PTPRO: variants seen among roughly 807,000 people sequenced by gnomAD.
The protein encoded by PTPRO is protein tyrosine phosphatase receptor type O.
In PTPRO, 62 loss-of-function variants were observed where a neutral mutation model predicts 145.2. The observed-to-expected ratio is 0.43, with a 90% CI of 0.35 to 0.53. PTPRO has a LOEUF of 0.53. PTPRO is among the 20% of genes least tolerant of loss of function. PTPRO has a pLI of 0.01. For synonymous variants in PTPRO, 565 were observed against 514.7 expected (o/e 1.10, Z -1.32); for missense variants, 1,345 against 1,482.7 (o/e 0.91, Z 1.53).
chr12:15,322,905 C>G lies in PTPRO; in HGVS notation c.75+104C>G, dbSNP rs962638651. 1.8e-5 allele frequency: 21 copies of G among 1,182,440 alleles called. No individual in the cohort carries two copies. Among genetic ancestry groups the G allele is most frequent in the Admixed American group, 1.7e-4 (7 of 41,644 alleles). The allele number at this position is 1,182,440 out of a possible 1,614,324, so 73.2% of individuals were successfully genotyped here. On this transcript the variant is annotated intron_variant, in intron 1 of 26. Transcript: ENST00000281171. The surrounding 1 kb of genome is among the most constrained non-coding windows in gnomAD (Gnocchi z 6.3). ...AGCGGCGCGCCCCAGGGCACGATGG[C>G]CCAGCCGCGGGAAGCGCCTGCCGTG...
Position 15,551,647 on chromosome 12 carries a change from G to T in PTPRO, c.2534G>T (p.Arg845Met). The change falls in exon 15 of 27, where the codon AGG becomes ATG. Residue 845 changes from arginine to methionine, a missense_variant. This residue lies in a region of PTPRO where 1,130 missense variants were observed against 1,214.7 expected (regional missense o/e 0.93). Transcript: ENST00000281171. ...GLLLVTLIIL[R>M]KKHLQMAREC... ...TTGCTTGTTACCCTCATTATTCTTA[G>T]GAAAAAGCATCTGCAGATGGCTAGG... The T allele has an allele frequency of 6.2e-7, 1 of 1,613,500 alleles. No homozygotes were observed. The highest frequency in any genetic ancestry group is 8.5e-7 in the Non-Finnish European group (1 of 1,179,722).
At chr12:15,403,638 CCT>C (rs1431359775) in intron 1 of PTPRO, among the ~76,000 whole-genome samples, 14 of 152,124 alleles carry the variant, frequency 9.2e-5, no homozygotes, top group African/African-American at 2.4e-4. Flanking sequence ...TTAATTATCC[CCT>C]GTTTGGTGTG....
intron 1 of PTPRO, among the ~76,000 whole-genome samples, chr12:15,425,166 G>A (rs1591800116): frequency 6.6e-6 from 1 of 151,908 alleles, no homozygotes; most frequent in African/African-American, 2.4e-5. Flanking sequence ...ATACTCCCAC[G>A]GTACTTTGCT....
intron 1 of PTPRO, among the ~76,000 whole-genome samples, chr12:15,357,343 G>A (rs541334238): frequency 9.9e-5 from 15 of 152,128 alleles, no homozygotes; most frequent in African/African-American, 2.7e-4. Context: ...GCCCCACTAC[G>A]TCATGTGTTC....
chr12:15,493,644 C>T (rs1942044427), intron 2 of PTPRO, among the ~76,000 whole-genome samples: 2 of 151,996 alleles, frequency 1.3e-5, no homozygotes, highest in Admixed American at 6.6e-5. Context: ...CTGATATCAG[C>T]GAAAGTTGGA....
chr12:15,465,648 C>CT (rs1485909316), intron 1 of PTPRO, among the ~76,000 whole-genome samples: 1 of 152,088 alleles, frequency 6.6e-6, no homozygotes, highest in Non-Finnish European at 1.5e-5. Flanking sequence ...GAAAGTGGCA[C>CT]TTGAATAGTG....
chr12:15,432,058 C>T (rs1940455438), intron 1 of PTPRO, among the ~76,000 whole-genome samples: 1 of 152,080 alleles, frequency 6.6e-6, no homozygotes, highest in Admixed American at 6.6e-5. Context: ...TAAATACACT[C>T]ATGTCATGGG....
chr12:15,459,940 T>C (rs1267025821), intron 1 of PTPRO, among the ~76,000 whole-genome samples: 1 of 152,182 alleles, frequency 6.6e-6, no homozygotes, highest in Non-Finnish European at 1.5e-5. Context: ...GATGTGTCAA[T>C]GTGTAGCACA....
At chr12:15,438,629 C>A (rs1940667493) in intron 1 of PTPRO, among the ~76,000 whole-genome samples, 1 of 151,814 alleles carries the variant, frequency 6.6e-6, no homozygotes, top group South Asian at 2.1e-4. Context: ...GAAGAGTGGT[C>A]TTTTGAACTA....
At chr12:15,447,366 GA>G (rs1940928077) in intron 1 of PTPRO, among the ~76,000 whole-genome samples, 1 of 152,110 alleles carries the variant, frequency 6.6e-6, no homozygotes, top group South Asian at 2.1e-4. Context: ...CCCATTTGCA[GA>G]GAATAAAAAG....
At position 15,515,993 on chromosome 12, in the gene PTPRO, T is replaced by G. The variant is rs1346880441; in HGVS notation, c.1585+375T>G. 1.1e-3 allele frequency among the ~76,000 whole-genome samples: 122 copies of G among 108,826 alleles called. 4 individuals are homozygous for G. Among genetic ancestry groups the G allele is most frequent in the Non-Finnish European group, 1.8e-3 (103 of 57,352 alleles). The allele number at this position is 108,826 out of a possible 152,430, so 71.4% of individuals were successfully genotyped here. A position where few individuals can be genotyped will look rare whatever the true frequency, so the allele number is the denominator to read the frequency against. On this transcript the variant is annotated intron_variant, in intron 8 of 26. Coordinates refer to ENST00000281171, the MANE Select transcript of PTPRO (RefSeq NM_030667.3). ...TTTGTCTGGTTTTTTTTTTGTTTTG[T>G]TTTTTTTTTTTTTTGGAGACAGAGT...
chr12:15,407,348 C>A (rs1323766574), intron 1 of PTPRO, among the ~76,000 whole-genome samples: 2 of 152,112 alleles, frequency 1.3e-5, no homozygotes, highest in Non-Finnish European at 2.9e-5. Flanking sequence ...CAAAAAACTA[C>A]CAGGTTCCCC....
rs547332760 is a variant in PTPRO, at chr12:15,322,865, C to A, written c.75+64C>A. On this transcript the variant is annotated intron_variant, in intron 1 of 26. Transcript: ENST00000281171. The surrounding 1 kb of genome is among the most constrained non-coding windows in gnomAD (Gnocchi z 6.3). Reference sequence around the variant, plus strand: ...GGCGGCAGCCGCGCTCCGGCGCCCTCGCTCTGCCGTTGGGAGCGGCGCGCC... The same window carrying A: ...GGCGGCAGCCGCGCTCCGGCGCCCTAGCTCTGCCGTTGGGAGCGGCGCGCC... 2 of 1,539,162 alleles carry A rather than the reference C, an allele frequency of 1.3e-6. No homozygotes were observed. The highest frequency in any genetic ancestry group is 1.4e-5 in the African/African-American group (1 of 72,348).
chr12:15,473,560 G>C (rs1175355935), intron 1 of PTPRO, among the ~76,000 whole-genome samples: 1 of 152,132 alleles, frequency 6.6e-6, no homozygotes, highest in African/African-American at 2.4e-5. Flanking sequence ...GAGGTCAGGA[G>C]TTTGAGACCA....
intron 1 of PTPRO, among the ~76,000 whole-genome samples, chr12:15,374,403 T>TTA (rs1376126899): frequency 2.1e-5 from 3 of 144,232 alleles, no homozygotes; most frequent in African/African-American, 8.8e-5. Flanking sequence ...GAGGAGTGTT[T>TTA]TATTTATTAA....
chr12:15,331,663 G>T (rs781682418), intron 1 of PTPRO, among the ~76,000 whole-genome samples: 1 of 152,176 alleles, frequency 6.6e-6, no homozygotes, highest in Non-Finnish European at 1.5e-5. Context: ...AGTCAAAGAG[G>T]TAGGGCAATA....
chr12:15,557,313 A>T, intron 15 of PTPRO, 142 bp from the exon 16 acceptor site: 3 of 765,578 alleles, frequency 3.9e-6, no homozygotes, highest in Non-Finnish European at 4.5e-6. Context: ...TACAGGCGTG[A>T]GCCACCGCAC....
intron 1 of PTPRO, among the ~76,000 whole-genome samples, chr12:15,340,278 T>C (rs942411493): frequency 6.6e-6 from 1 of 152,202 alleles, no homozygotes; most frequent in Admixed American, 6.5e-5. Flanking sequence ...CATACTACTT[T>C]GTGTGAAAAC....
At chr12:15,326,969 A>G (rs1260610891) in intron 1 of PTPRO, among the ~76,000 whole-genome samples, 1 of 152,208 alleles carries the variant, frequency 6.6e-6, no homozygotes, top group Non-Finnish European at 1.5e-5. Context: ...TCTATCTTTC[A>G]TGGTGCTAGT....
Sources: allele counts gnomAD v4.1 joint callset (sites outside exome capture counted in the v4.1 genomes callset), GRCh38; gene constraint gnomAD v4.1.1; regional missense constraint gnomAD v4.1.1; non-coding constraint Gnocchi (gnomAD v3.1); transcripts MANE v1.5; gene names NCBI Gene and HGNC (gene_info 2026-07-23, HGNC 2026-07-21).